The following THSD7A variants were observed in gnomAD, a reference collection of about 807,000 sequenced individuals.
THSD7A encodes thrombospondin type 1 domain containing 7A.
Under a neutral mutation model 231.3 loss-of-function variants are expected in THSD7A, and 96 were observed. The observed-to-expected ratio is 0.41, with a 90% CI of 0.35 to 0.49. The LOEUF is 0.49. Ranked by LOEUF, THSD7A falls within the 20% of genes least tolerant of loss-of-function variation. THSD7A has a pLI of 0.05. For missense variants in THSD7A, 2,290 were observed against 2,070.2 expected (o/e 1.11, Z -2.06); for synonymous variants, 940 against 743.3 (o/e 1.26, Z -4.30).
At chr7:11,737,010 A>G (rs962781837) in intron 1 of THSD7A, among the ~76,000 whole-genome samples, 1 of 151,896 alleles carries the variant, frequency 6.6e-6, no homozygotes, top group Admixed American at 6.6e-5. Context: ...CTGCCACGTG[A>G]AGAAGGACAT....
At position 11,593,265 on chromosome 7, in the gene THSD7A, G is replaced by GACA. The variant is rs768568032; in HGVS notation, c.1257_1259dup (p.Val420dup). On this transcript the variant is annotated inframe_insertion, in exon 3 of 28. Transcript: ENST00000423059. ...CTTTATTTACTCACGTGGCACAGGG[G>GACA]ACAACTCCATCTCCTTGAGACAAAC... The GACA allele has an allele frequency of 1.1e-4, 180 of 1,613,914 alleles. No individual in the cohort carries two copies. Among genetic ancestry groups the GACA allele is most frequent in the Admixed American group, 2.5e-4 (15 of 60,012 alleles).
chr7:11,769,149 A>ATTTTTTTTTTTTTTTTTT (rs1245740094), intron 1 of THSD7A, among the ~76,000 whole-genome samples: 7 of 36,294 alleles, frequency 1.9e-4, no homozygotes, highest in Admixed American at 3.8e-4. Context: ...ATATATATAT[A>ATTTTTTTTTTTTTTTTTT]TATATTTTTT....
At chr7:11,763,822 C>T (rs1241604328) in intron 1 of THSD7A, among the ~76,000 whole-genome samples, 1 of 151,988 alleles carries the variant, frequency 6.6e-6, no homozygotes, top group Non-Finnish European at 1.5e-5. Flanking sequence ...TTGCTCATTT[C>T]CTCAGGATTT....
intron 15 of THSD7A, among the ~76,000 whole-genome samples, chr7:11,426,185 T>C (rs2115419162): frequency 6.6e-6 from 1 of 152,224 alleles, no homozygotes; most frequent in African/African-American, 2.4e-5. Context: ...GGATAAAACA[T>C]TACCCTACAA....
At chr7:11,509,821 C>A (rs74333865) in intron 6 of THSD7A, among the ~76,000 whole-genome samples, 160 of 39,856 alleles carry the variant, frequency 4.0e-3, no homozygotes, top group South Asian at 5.0e-3. Context: ...GAGTCCGTCT[C>A]AAAAAAAAAA....
chr7:11,481,013 T>C (rs1786401346), intron 7 of THSD7A, among the ~76,000 whole-genome samples: 1 of 152,196 alleles, frequency 6.6e-6, no homozygotes, highest in African/African-American at 2.4e-5. Flanking sequence ...CAAACTTGAT[T>C]TACTTTTATG....
At chr7:11,443,873 A>G (rs985852137) in intron 13 of THSD7A, among the ~76,000 whole-genome samples, 3 of 152,068 alleles carry the variant, frequency 2.0e-5, no homozygotes, top group African/African-American at 4.8e-5. Flanking sequence ...CTAGACTTCA[A>G]TACAATAGAA....
chr7:11,697,014 A>G (rs980621546), intron 1 of THSD7A, among the ~76,000 whole-genome samples: 11 of 151,436 alleles, frequency 7.3e-5, no homozygotes, highest in African/African-American at 2.4e-4. Context: ...CAATGGATTC[A>G]ATATCTTTGA....
chr7:11,628,452 A>G (rs1340779372), intron 2 of THSD7A, among the ~76,000 whole-genome samples: 1 of 152,034 alleles, frequency 6.6e-6, no homozygotes, highest in Non-Finnish European at 1.5e-5. Flanking sequence ...ATGCCTTCTA[A>G]TCCTTAACGC....
At position 11,375,501 on chromosome 7, in the gene THSD7A, G is replaced by A. The variant is rs969543091; in HGVS notation, c.*293C>T. 1 of 241,976 alleles carries A rather than the reference G, an allele frequency of 4.1e-6. No homozygotes were observed. The allele number at this position is 241,976 out of a possible 1,614,324, so 15.0% of individuals were successfully genotyped here. ...GCCAATTCCACCATTATTTTTTAGAGATGAAAGTGGTTTTTCAGTCGGTAG... is the reference window on the plus strand; with the variant it reads ...GCCAATTCCACCATTATTTTTTAGAAATGAAAGTGGTTTTTCAGTCGGTAG... On this transcript the variant is annotated 3_prime_UTR_variant, in exon 28 of 28. Transcript: ENST00000423059.
chr7:11,651,170 G>A (rs928816720), intron 1 of THSD7A, among the ~76,000 whole-genome samples: 2 of 151,982 alleles, frequency 1.3e-5, no homozygotes, highest in East Asian at 1.9e-4. Flanking sequence ...GCTAAGTGAC[G>A]TAAGCAAGAC....
At chr7:11,682,682 A>G (rs1783913944) in intron 1 of THSD7A, among the ~76,000 whole-genome samples, 1 of 152,094 alleles carries the variant, frequency 6.6e-6, no homozygotes, top group Non-Finnish European at 1.5e-5. Context: ...TCCTATTGAC[A>G]GCATTAGACA....
intron 2 of THSD7A, among the ~76,000 whole-genome samples, chr7:11,624,593 C>T (rs1002136846): frequency 6.6e-6 from 1 of 152,050 alleles, no homozygotes; most frequent in African/African-American, 2.4e-5. Context: ...ATTCTACTGC[C>T]TTATCAAATT....
Position 11,832,038 on chromosome 7 carries a change from AAGCAAAGCTCTTTCCTG to A in THSD7A, c.-109_-93del. The A allele has an allele frequency of 1.2e-6, 1 of 865,828 alleles. No individual in the cohort carries two copies. The highest frequency in any genetic ancestry group is 1.5e-6 in the Non-Finnish European group (1 of 664,994). The allele number at this position is 865,828 out of a possible 1,614,324, so 53.6% of individuals were successfully genotyped here. ...GGAACGTCTTTTCAAAGAGTACAGAAAGCAAAGCTCTTTCCTGCTATTGTTCGCTTCAGATGAGAAGG... is the reference window on the plus strand; with the variant it reads ...GGAACGTCTTTTCAAAGAGTACAGAACTATTGTTCGCTTCAGATGAGAAGG... On this transcript the variant is annotated 5_prime_UTR_variant, in exon 1 of 28. Transcript: ENST00000423059.
At position 11,517,621 on chromosome 7, in the gene THSD7A, C is replaced by T. The variant is rs568294284; in HGVS notation, c.1822+23798G>A. On this transcript the variant is annotated intron_variant, in intron 6 of 27. Coordinates refer to ENST00000423059, the MANE Select transcript of THSD7A (RefSeq NM_015204.3). ...CCTCAAGTCTTTTTTAGTTTCTTCT[C>T]TTGATCTGAGCAGTTGGTAGACAAC... Among the ~76,000 whole-genome samples the T allele has an allele frequency of 9.2e-5, 14 of 152,250 alleles. No individual in the cohort carries two copies. In the South Asian group the frequency reaches 2.9e-3, roughly 32 times the overall value.
chr7:11,597,376 G>C (rs1780401054), intron 2 of THSD7A, among the ~76,000 whole-genome samples: 1 of 152,216 alleles, frequency 6.6e-6, no homozygotes, highest in Non-Finnish European at 1.5e-5. Context: ...CATATACCGA[G>C]TGACCTGAAA....
chr7:11,500,846 A>T (rs1273708797), intron 6 of THSD7A, among the ~76,000 whole-genome samples: 3 of 151,840 alleles, frequency 2.0e-5, no homozygotes, highest in Non-Finnish European at 4.4e-5. Context: ...TGAGGCAGAG[A>T]ATTGCTTGAA....
intron 1 of THSD7A, among the ~76,000 whole-genome samples, chr7:11,786,029 C>A (rs1045559889): frequency 6.6e-6 from 1 of 151,802 alleles, no homozygotes; most frequent in African/African-American, 2.4e-5. Context: ...ATAATTAACC[C>A]ATTTCTTCCT....
chr7:11,751,472 T>C (rs1056290024), intron 1 of THSD7A: 1 of 151,960 alleles, frequency 6.6e-6, no homozygotes, highest in South Asian at 2.1e-4. Flanking sequence ...ATTTTCTGAA[T>C]TACCTTCAGG....
Sources: gnomAD v4.1 joint callset for allele counts (sites outside exome capture counted in the v4.1 genomes callset) on GRCh38, gnomAD v4.1.1 for gene constraint, MANE v1.5 for transcripts, NCBI Gene and HGNC (gene_info 2026-07-23, HGNC 2026-07-21) for gene names.